The following SRD5A3 variants were observed in gnomAD, a reference collection of about 807,000 sequenced individuals.
SRD5A3 encodes steroid 5 alpha-reductase 3, also known as polyprenal reductase.
A neutral mutation model predicts 34.3 loss-of-function variants in SRD5A3; 24 were observed. That is an observed-to-expected ratio of 0.70 (90% CI 0.51 to 0.99). The LOEUF (loss-of-function observed/expected upper bound fraction) is 0.99. SRD5A3 is among the 50% of genes least tolerant of loss of function. SRD5A3 has a pLI of 0.00. For synonymous variants in SRD5A3, 161 were observed against 167.3 expected (o/e 0.96, Z 0.29); for missense variants, 350 against 388.2 (o/e 0.90, Z 0.83).
At chr4:55,354,827 C>CGCGCGTGT (rs1719381025) in intron 1 of SRD5A3, among the ~76,000 whole-genome samples, 1 of 151,658 alleles carries the variant, frequency 6.6e-6, no homozygotes, top group African/African-American at 2.4e-5. Context: ...TGCGCGCGTG[C>CGCGCGTGT]GTGCGCGCGT....
chr4:55,361,812 G>A (rs939402218), intron 2 of SRD5A3, among the ~76,000 whole-genome samples: 3 of 151,828 alleles, frequency 2.0e-5, no homozygotes, highest in Non-Finnish European at 2.9e-5. Flanking sequence ...TAAAAAAAAA[G>A]AGCAAACCCG....
intron 1 of SRD5A3, among the ~76,000 whole-genome samples, chr4:55,350,621 T>G (rs1054612347): frequency 2.6e-5 from 4 of 152,198 alleles, no homozygotes; most frequent in African/African-American, 4.8e-5. Flanking sequence ...TCAAATACAC[T>G]TCTGTGATGA....
chr4:55,367,898 T>C (rs545122136), intron 4 of SRD5A3, among the ~76,000 whole-genome samples, 176 bp downstream of exon 4: 1 of 152,256 alleles, frequency 6.6e-6, no homozygotes, highest in South Asian at 2.1e-4. Context: ...GAGCCTTACA[T>C]TGAAAGACCT....
At chr4:55,365,608 C>T (rs1049887353) in intron 3 of SRD5A3, 2 of 152,300 alleles carry the variant, frequency 1.3e-5, no homozygotes, top group Non-Finnish European at 2.9e-5. Flanking sequence ...TTGGCGTTAC[C>T]TGCCTCTCCC....
At chr4:55,351,046 G>A (rs889586038) in intron 1 of SRD5A3, among the ~76,000 whole-genome samples, 7 of 151,000 alleles carry the variant, frequency 4.6e-5, no homozygotes, top group Admixed American at 2.0e-4. Flanking sequence ...GATTATAGGC[G>A]TGAGTCACCA....
chr4:55,365,841 C>A (rs1363402109), intron 3 of SRD5A3, among the ~76,000 whole-genome samples: 1 of 152,176 alleles, frequency 6.6e-6, no homozygotes, highest in Non-Finnish European at 1.5e-5. Context: ...CATTTGCCAA[C>A]CAAAGGGCGT....
At chr4:55,358,535 CAAAAAAAAA>C (rs576702969) in intron 1 of SRD5A3, among the ~76,000 whole-genome samples, 11 of 112,800 alleles carry the variant, frequency 9.8e-5, no homozygotes, top group African/African-American at 3.4e-4. Context: ...GACCCTGTCT[CAAAAAAAAA>C]AAAAAAAAAA....
In SRD5A3 at chr4:55,352,426, G is replaced by C. The variant is rs1345629172; in HGVS notation, c.221+5869G>C. On this transcript the variant is annotated intron_variant, in intron 1 of 4. Coordinates refer to ENST00000264228, the MANE Select transcript of SRD5A3 (RefSeq NM_024592.5). ...TTCCCCATGGTCACACCACACTCCT[G>C]TGCTTGTATAATATTTTCAGAAGGG... 2.8e-5 allele frequency: 21 copies of C among 745,218 alleles called. No individual in the cohort carries two copies. The Admixed American group carries it at 3.5e-4, about 13-fold the overall frequency. The allele number at this position is 745,218 out of a possible 1,614,324, so 46.2% of individuals were successfully genotyped here.
chr4:55,361,203 C>T (rs11724652), intron 2 of SRD5A3, among the ~76,000 whole-genome samples: 3,990 of 151,862 alleles, frequency 0.026, 90 homozygotes, highest in Admixed American at 0.064. Context: ...AAACCCCGGC[C>T]GGGTGTGGTG....
Position 55,369,442 on chromosome 4 carries a change from T to A in SRD5A3, c.698-390T>A, listed in dbSNP as rs372529659. ...TATGATACTCTTTTCTAAATAAGAG[T>A]TTCTGGGCTGGGCAGGTTGGCTCAC... On this transcript the variant is annotated intron_variant, in intron 4 of 4. Coordinates refer to ENST00000264228, the MANE Select transcript of SRD5A3 (RefSeq NM_024592.5). Among the ~76,000 whole-genome samples, 135 of 151,974 alleles carry A rather than the reference T, an allele frequency of 8.9e-4. No homozygotes were observed. In the Middle Eastern group the frequency reaches 0.01, roughly 11 times the overall value.
At chr4:55,346,690 A>T in intron 1 of SRD5A3, 133 bp downstream of exon 1, 1 of 812,164 alleles carries the variant, frequency 1.2e-6, no homozygotes. Flanking sequence ...TCCCGGGCGC[A>T]GCACGGCGCT....
intron 1 of SRD5A3, among the ~76,000 whole-genome samples, chr4:55,356,032 A>G (rs1719448524): frequency 1.8e-5 from 1 of 54,954 alleles, no homozygotes; most frequent in Non-Finnish European, 3.8e-5. Context: ...TTTTTGATGC[A>G]AAGTCTTGCT....
chr4:55,352,246 A>G (rs751195995), intron 1 of SRD5A3: 4 of 919,574 alleles, frequency 4.3e-6, no homozygotes, highest in African/African-American at 1.6e-5. Context: ...TGGAAAAATA[A>G]GCAGGTAGGG....
rs1382934521 is a variant in SRD5A3 at position 55,371,463 on chromosome 4, G to T, written c.*1372G>T. On this transcript the variant is annotated 3_prime_UTR_variant, in exon 5 of 5. Transcript: ENST00000264228. ...AAGATTCTCTGGCTTATTGGCTGAG[G>T]TGTTAAGTTTATTCCTTTTATGAAG... 1.3e-5 allele frequency: 2 copies of T among 152,182 alleles called. No homozygotes were observed. Among genetic ancestry groups the T allele is most frequent in the Non-Finnish European group, 2.9e-5 (2 of 68,040 alleles). The allele number at this position is 152,182 out of a possible 1,614,324, so 9.4% of individuals were successfully genotyped here.
At chr4:55,346,881 C>G (rs1193517807) in intron 1 of SRD5A3, among the ~76,000 whole-genome samples, 1 of 152,230 alleles carries the variant, frequency 6.6e-6, no homozygotes, top group Non-Finnish European at 1.5e-5. Context: ...TAGGCCTGGT[C>G]ATGCGAATTT....
chr4:55,361,736 A>G (rs1030013843), intron 2 of SRD5A3, among the ~76,000 whole-genome samples: 4 of 152,094 alleles, frequency 2.6e-5, no homozygotes, highest in African/African-American at 9.7e-5. Flanking sequence ...CCCAGGAAGC[A>G]AAGGTTGCAG....
intron 2 of SRD5A3, among the ~76,000 whole-genome samples, chr4:55,361,359 G>C (rs1298284491): frequency 6.6e-6 from 1 of 151,670 alleles, no homozygotes. Context: ...GCACATGCCT[G>C]TAACCCCAGC....
Position 55,370,996 on chromosome 4 carries a change from C to CT in SRD5A3, c.*906dup, listed in dbSNP as rs1489371085. On this transcript the variant is annotated 3_prime_UTR_variant, in exon 5 of 5. Coordinates refer to ENST00000264228, the MANE Select transcript of SRD5A3 (RefSeq NM_024592.5). ...ACCACAAAGATCTCCAGTTAAATAA[C>CT]TATCAATATCCATTTCCATTCATCT... 9 of 152,326 alleles carry CT rather than the reference C, an allele frequency of 5.9e-5. No individual in the cohort carries two copies. In the South Asian group the frequency reaches 1.9e-3, roughly 32 times the overall value. 9.4% of individuals were successfully genotyped at this position (152,326 alleles called of 1,614,324 possible). A position where few individuals can be genotyped will look rare whatever the true frequency, so the allele number is the denominator to read the frequency against.
intron 1 of SRD5A3, among the ~76,000 whole-genome samples, chr4:55,349,443 T>A (rs965691222): frequency 6.6e-6 from 1 of 152,188 alleles, no homozygotes; most frequent in African/African-American, 2.4e-5. Context: ...GGTAATTTTG[T>A]TTGGGATTAT....
Sources: gnomAD v4.1 joint callset for allele counts (sites outside exome capture counted in the v4.1 genomes callset) on GRCh38, gnomAD v4.1.1 for gene constraint, MANE v1.5 for transcripts, NCBI Gene and HGNC (gene_info 2026-07-23, HGNC 2026-07-21) for gene names.